Variants in UBE2E3 observed in about 807,000 individuals in gnomAD.
UBE2E3 encodes the protein ubiquitin-conjugating enzyme E2 E3.
Under a neutral mutation model 23.6 loss-of-function variants are expected in UBE2E3, and 5 were observed. That is an observed-to-expected ratio of 0.21 (90% CI 0.11 to 0.44). The LOEUF is 0.44. Ranked by LOEUF, UBE2E3 falls within the 20% of genes least tolerant of loss-of-function variation. The pLI, the probability that UBE2E3 is intolerant of heterozygous loss-of-function variation, is 0.99. For synonymous variants in UBE2E3, 78 were observed against 87.5 expected, an observed-to-expected ratio of 0.89 and a Z score of 0.60; for missense variants, 81 against 249.8, an observed-to-expected ratio of 0.32 and a Z score of 4.55.
intron 3 of UBE2E3, among the ~76,000 whole-genome samples, chr2:181,016,089 A>G (rs1685480894): frequency 6.6e-6 from 1 of 151,212 alleles, no homozygotes; most frequent in East Asian, 1.9e-4. Flanking sequence ...TGGCATTCAT[A>G]TGGCAGACCT....
chr2:181,025,045 C>T (rs1165193247), intron 3 of UBE2E3, among the ~76,000 whole-genome samples: 1 of 151,974 alleles, frequency 6.6e-6, no homozygotes, highest in Non-Finnish European at 1.5e-5. Context: ...ATAAGCCTTT[C>T]ATGTGGCTTT....
chr2:180,983,937 G>A (rs1214611576), intron 2 of UBE2E3, 106 bp from the exon 3 acceptor site: 1 of 822,494 alleles, frequency 1.2e-6, no homozygotes, highest in East Asian at 2.8e-5. Flanking sequence ...ACTGAAGGCA[G>A]AGCCAGCCTT....
intron 3 of UBE2E3, among the ~76,000 whole-genome samples, chr2:181,005,937 T>C (rs915242997): frequency 2.6e-5 from 4 of 152,170 alleles, no homozygotes; most frequent in Admixed American, 6.5e-5. Context: ...GGCAATTTCT[T>C]AGAAGAGGCT....
At chr2:181,035,956 A>G (rs554015946) in intron 3 of UBE2E3, among the ~76,000 whole-genome samples, 1 of 152,338 alleles carries the variant, frequency 6.6e-6, no homozygotes, top group East Asian at 1.9e-4. Context: ...TAAGCCTCCA[A>G]TGTGGTAAGT....
chr2:181,006,965 A>G (rs1369665654), intron 3 of UBE2E3, among the ~76,000 whole-genome samples: 1 of 152,224 alleles, frequency 6.6e-6, no homozygotes, highest in Admixed American at 6.5e-5. Flanking sequence ...TAATATTTCT[A>G]GCAAGATACT....
At chr2:181,007,206 C>G (rs1685177284) in intron 3 of UBE2E3, among the ~76,000 whole-genome samples, 1 of 152,126 alleles carries the variant, frequency 6.6e-6, no homozygotes, top group Non-Finnish European at 1.5e-5. Flanking sequence ...TGCCCACTGC[C>G]CCTTTGAGTA....
At chr2:181,033,512 C>T (rs1276444590) in intron 3 of UBE2E3, among the ~76,000 whole-genome samples, 1 of 152,124 alleles carries the variant, frequency 6.6e-6, no homozygotes, top group Non-Finnish European at 1.5e-5. Context: ...TTCCTTACAC[C>T]TTATACAAAA....
intron 2 of UBE2E3, among the ~76,000 whole-genome samples, chr2:180,982,442 C>T (rs1684329499): frequency 6.6e-6 from 1 of 152,172 alleles, no homozygotes; most frequent in African/African-American, 2.4e-5. Context: ...TAATTCTGTA[C>T]TTCGGTAACT....
intron 3 of UBE2E3, among the ~76,000 whole-genome samples, chr2:181,000,280 T>TTAA (rs1684951735): frequency 6.6e-6 from 1 of 152,000 alleles, no homozygotes; most frequent in African/African-American, 2.4e-5. Context: ...GATACATGAA[T>TTAA]AGTGATTTAA....
At chr2:180,997,216 A>G (rs1684850541) in intron 3 of UBE2E3, among the ~76,000 whole-genome samples, 1 of 150,804 alleles carries the variant, frequency 6.6e-6, no homozygotes, top group Non-Finnish European at 1.5e-5. Context: ...TCTACTTATT[A>G]TCCACTATCC....
chr2:181,046,295 G>A (rs1164551431), intron 3 of UBE2E3, among the ~76,000 whole-genome samples: 1 of 152,112 alleles, frequency 6.6e-6, no homozygotes, highest in African/African-American at 2.4e-5. Flanking sequence ...AGGCATTAAG[G>A]TTCTGAACAA....
chr2:181,035,953 C>G (rs781713402), intron 3 of UBE2E3, among the ~76,000 whole-genome samples: 26 of 152,226 alleles, frequency 1.7e-4, no homozygotes, highest in Middle Eastern at 3.4e-3. Flanking sequence ...AAGTAAGCCT[C>G]CAATGTGGTA....
intron 3 of UBE2E3, among the ~76,000 whole-genome samples, chr2:181,015,799 A>G (rs1467566654): frequency 6.6e-6 from 1 of 152,148 alleles, no homozygotes; most frequent in Non-Finnish European, 1.5e-5. Flanking sequence ...CACTAAAATG[A>G]TTACATGGTC....
chr2:181,012,165 T>C (rs1332304494), intron 3 of UBE2E3, among the ~76,000 whole-genome samples: 1 of 152,230 alleles, frequency 6.6e-6, no homozygotes, highest in African/African-American at 2.4e-5. Context: ...CATTTTTTAA[T>C]AGTATTCATG....
intron 3 of UBE2E3, among the ~76,000 whole-genome samples, chr2:181,011,934 G>A (rs1306877767): frequency 6.6e-6 from 1 of 152,128 alleles, no homozygotes; most frequent in Admixed American, 6.5e-5. Context: ...AGTGAGGGTT[G>A]TTAGGCAAAA....
At position 181,061,793 on chromosome 2, in the gene UBE2E3, T is replaced by G. The variant is rs1456947412; in HGVS notation, c.526+981T>G. Among the ~76,000 whole-genome samples, 6 of 151,488 alleles carry G rather than the reference T, an allele frequency of 4.0e-5. No individual in the cohort carries two copies. The East Asian group carries it at 7.8e-4, about 20-fold the overall frequency. ...ATGTGACCTTTTTTTTTTTTTTAAG[T>G]TGACTTACTTCTAAATATTTGATAA... On this transcript the variant is annotated intron_variant, in intron 5 of 5. Transcript: ENST00000410062.
intron 3 of UBE2E3, among the ~76,000 whole-genome samples, chr2:181,004,690 A>G (rs1003479424): frequency 2.6e-5 from 4 of 152,188 alleles, no homozygotes; most frequent in Non-Finnish European, 4.4e-5. Flanking sequence ...TGTTTAATAC[A>G]AGGAATACTT....
intron 3 of UBE2E3, among the ~76,000 whole-genome samples, chr2:181,045,439 A>G (rs1318500774): frequency 6.6e-6 from 1 of 152,214 alleles, no homozygotes; most frequent in Non-Finnish European, 1.5e-5. Context: ...TAGAGAGCCC[A>G]GGCAATTATG....
chr2:181,002,940 A>G (rs1685031772), intron 3 of UBE2E3, among the ~76,000 whole-genome samples: 1 of 152,262 alleles, frequency 6.6e-6, no homozygotes, highest in South Asian at 2.1e-4. Context: ...GGTCTGAAAG[A>G]AAACTCAACA....
Sources: allele counts gnomAD v4.1 joint callset (sites outside exome capture counted in the v4.1 genomes callset), GRCh38; gene constraint gnomAD v4.1.1; transcripts MANE v1.5; gene names NCBI Gene and HGNC (gene_info 2026-07-23, HGNC 2026-07-21).